Variants in DLC1 observed in about 807,000 individuals in gnomAD.
The protein encoded by DLC1 is rho GTPase-activating protein 7.
Under a neutral mutation model 140.3 loss-of-function variants are expected in DLC1, and 54 were observed. The observed-to-expected ratio is 0.38, with a 90% CI of 0.31 to 0.48. DLC1 has a LOEUF of 0.48. DLC1 is among the 20% of genes least tolerant of loss of function. The probability of loss-of-function intolerance (pLI) is 0.96; values close to 1 mark genes in which losing one functional copy is unlikely to be tolerated. For synonymous variants in DLC1, 986 were observed against 728.1 expected, an observed-to-expected ratio of 1.35 and a Z score of -5.70; for missense variants, 2,536 against 1,907.0, an observed-to-expected ratio of 1.33 and a Z score of -6.14.
intron 2 of DLC1, among the ~76,000 whole-genome samples, chr8:13,479,456 CAG>C (rs1800582733): frequency 6.6e-6 from 1 of 152,016 alleles, no homozygotes; most frequent in Non-Finnish European, 1.5e-5. Flanking sequence ...GCTGAAACAA[CAG>C]AAACAATGGG....
chr8:13,157,478 G>C (rs999545560), intron 5 of DLC1, among the ~76,000 whole-genome samples: 1 of 152,112 alleles, frequency 6.6e-6, no homozygotes, highest in African/African-American at 2.4e-5. Context: ...AAAAGGCAGT[G>C]ATTAAGGGTA....
chr8:13,463,178 G>T (rs550151514), intron 2 of DLC1, among the ~76,000 whole-genome samples: 1 of 151,790 alleles, frequency 6.6e-6, no homozygotes, highest in African/African-American at 2.4e-5. Flanking sequence ...CTACACAACA[G>T]ACTTACCTAT....
At chr8:13,509,069 G>A (rs1000900437) in intron 1 of DLC1, among the ~76,000 whole-genome samples, 1 of 152,134 alleles carries the variant, frequency 6.6e-6, no homozygotes, top group African/African-American at 2.4e-5. Flanking sequence ...CAGTATGATT[G>A]AAATGTGGTT....
chr8:13,249,710 A>T (rs536485510), intron 5 of DLC1, among the ~76,000 whole-genome samples: 1 of 152,156 alleles, frequency 6.6e-6, no homozygotes, highest in Admixed American at 6.5e-5. Flanking sequence ...AGTCTCTTCC[A>T]TCCTGATTAA....
chr8:13,149,314 A>T (rs1823647421), intron 5 of DLC1, among the ~76,000 whole-genome samples: 1 of 152,060 alleles, frequency 6.6e-6, no homozygotes, highest in Non-Finnish European at 1.5e-5. Context: ...TTTCTCTGAA[A>T]TTTTAAAACG....
chr8:13,211,822 A>C (rs113557601), intron 5 of DLC1, among the ~76,000 whole-genome samples: 190 of 152,250 alleles, frequency 1.2e-3, no homozygotes, highest in African/African-American at 4.2e-3. Context: ...AAGAAAACAA[A>C]CCCCCAAATT....
chr8:13,421,299 A>G (rs1308321947), intron 2 of DLC1, among the ~76,000 whole-genome samples: 5 of 152,128 alleles, frequency 3.3e-5, no homozygotes, highest in Admixed American at 3.3e-4. Context: ...ACCTGAGAAA[A>G]GACTGGGCTG....
At chr8:13,325,447 TATACACACACACAC>T (rs34442140) in intron 4 of DLC1, among the ~76,000 whole-genome samples, 127,953 of 149,112 alleles carry the variant, frequency 0.86, 54,512 homozygotes, top group East Asian at 0.95. Flanking sequence ...AATAGTTCTG[TATACACACACACAC>T]ACACACACAC....
chr8:13,187,161 C>T (rs376635876), intron 5 of DLC1, among the ~76,000 whole-genome samples: 2 of 142,454 alleles, frequency 1.4e-5, no homozygotes, highest in African/African-American at 2.6e-5. Flanking sequence ...ACTTTTTTTT[C>T]CATAGCACTT....
chr8:13,196,373 A>G (rs1305197297), intron 5 of DLC1, among the ~76,000 whole-genome samples: 4 of 152,164 alleles, frequency 2.6e-5, no homozygotes, highest in East Asian at 3.9e-4. Flanking sequence ...TTCCTCTCAA[A>G]CAAAACAAGA....
At chr8:13,211,542 G>A (rs2117109405) in intron 5 of DLC1, among the ~76,000 whole-genome samples, 1 of 152,290 alleles carries the variant, frequency 6.6e-6, no homozygotes, top group East Asian at 1.9e-4. Flanking sequence ...GCTGGGTGTG[G>A]GGAAGACAGA....
In DLC1 at chr8:13,128,246, A is replaced by G. The variant is rs554453200; in HGVS notation, c.1349-12589T>C. ...GAGAAAAGTTTCCTTTAGAAATAAT[A>G]TTTGAAAGTACTTTCACTGAAGAAA... On this transcript the variant is annotated intron_variant, in intron 5 of 17. Coordinates refer to ENST00000276297, the MANE Select transcript of DLC1 (RefSeq NM_182643.3). Among the ~76,000 whole-genome samples the G allele has an allele frequency of 6.6e-5, 10 of 152,350 alleles. No individual in the cohort carries two copies. In the South Asian group the frequency reaches 2.1e-3, roughly 32 times the overall value.
Position 13,086,471 on chromosome 8 carries a change from G to C in DLC1, c.4293-8C>G, listed in dbSNP as rs772701787. On this transcript the variant is annotated splice_region_variant and splice_polypyrimidine_tract_variant and intron_variant, in intron 16 of 17. Transcript: ENST00000276297. ...AAATTAGTCCTCCAGGTTCTGTAGA[G>C]ACAAAACCAGAGGCAGAAATGATGG... 5 of 1,604,876 alleles carry C rather than the reference G, an allele frequency of 3.1e-6. No homozygotes were observed. The East Asian group carries it at 6.7e-5, about 21-fold the overall frequency.
intron 4 of DLC1, among the ~76,000 whole-genome samples, chr8:13,319,478 G>GGT (rs1832998417): frequency 8.7e-6 from 1 of 115,528 alleles, no homozygotes; most frequent in Admixed American, 1.0e-4. Context: ...GCGGGGCGGG[G>GGT]GGGGGGGGTG....
chr8:13,496,319 C>T (rs906053337), intron 2 of DLC1, among the ~76,000 whole-genome samples: 8 of 152,026 alleles, frequency 5.3e-5, no homozygotes, highest in Admixed American at 2.6e-4. Flanking sequence ...TTGTTTTGTG[C>T]CATGCAGAAA....
intron 2 of DLC1, among the ~76,000 whole-genome samples, chr8:13,436,365 A>T (rs938044633): frequency 6.6e-6 from 1 of 152,220 alleles, no homozygotes; most frequent in African/African-American, 2.4e-5. Flanking sequence ...CGAAAATGAC[A>T]TCATATCAAA....
At chr8:13,096,753 A>T (rs1173734514) in intron 10 of DLC1, among the ~76,000 whole-genome samples, 2 of 152,196 alleles carry the variant, frequency 1.3e-5, no homozygotes, top group Non-Finnish European at 2.9e-5. Flanking sequence ...GGAGCTGGAG[A>T]CAAAAAGAAC....
chr8:13,364,736 A>C (rs1835400726), intron 4 of DLC1, among the ~76,000 whole-genome samples: 1 of 152,212 alleles, frequency 6.6e-6, no homozygotes. Context: ...CATGCTATAG[A>C]CATCTTTGTC....
At chr8:13,536,488 T>C (rs537468827) in intron 1 of DLC1, among the ~76,000 whole-genome samples, 1 of 152,306 alleles carries the variant, frequency 6.6e-6, no homozygotes, top group South Asian at 2.1e-4. Context: ...CTTCTTCATA[T>C]TCAGTATTTA....
Sources: allele counts gnomAD v4.1 joint callset (sites outside exome capture counted in the v4.1 genomes callset), GRCh38; gene constraint gnomAD v4.1.1; transcripts MANE v1.5; gene names NCBI Gene and HGNC (gene_info 2026-07-23, HGNC 2026-07-21).